Variants in CDK14 observed in about 807,000 individuals in gnomAD.
CDK14 encodes cyclin dependent kinase 14.
CDK14 carries 34 observed loss-of-function variants against 60.7 expected under a neutral mutation model. That is an observed-to-expected ratio of 0.56 (90% CI 0.43 to 0.75). The LOEUF is 0.75. CDK14 is among the 30% of genes least tolerant of loss of function. The pLI is 0.00. For synonymous variants in CDK14, 197 were observed against 203.7 expected (o/e 0.97, Z 0.28); for missense variants, 482 against 564.1 (o/e 0.85, Z 1.47).
intron 2 of CDK14, among the ~76,000 whole-genome samples, chr7:90,675,908 G>A (rs374391003): frequency 8.4e-4 from 128 of 152,304 alleles, no homozygotes; most frequent in African/African-American, 3.0e-3. Flanking sequence ...GTCAAGGCAG[G>A]AAAGAAGAAA....
At position 91,075,613 on chromosome 7, in the gene CDK14, G is replaced by A. The variant is rs534318732; in HGVS notation, c.1106-3819G>A. On this transcript the variant is annotated intron_variant, in intron 11 of 14. Transcript: ENST00000380050. ...ATTCAACATAGTATTGGAAGTCCTG[G>A]CCAGGGCAATCAGGCAAGAGAAAGA... Among the ~76,000 whole-genome samples the A allele has an allele frequency of 5.9e-5, 9 of 152,320 alleles. No individual in the cohort carries two copies. The South Asian group carries it at 1.9e-3, about 32-fold the overall frequency.
intron 12 of CDK14, among the ~76,000 whole-genome samples, chr7:91,094,845 C>T (rs1024406891): frequency 6.6e-6 from 1 of 152,172 alleles, no homozygotes; most frequent in Non-Finnish European, 1.5e-5. Flanking sequence ...TTCATTAGCA[C>T]CCAACCCCAC....
chr7:90,653,432 T>G (rs1353276784), intron 2 of CDK14, among the ~76,000 whole-genome samples: 1 of 152,092 alleles, frequency 6.6e-6, no homozygotes, highest in African/African-American at 2.4e-5. Context: ...TGGCTCCATC[T>G]CTCTGTGTCT....
At chr7:90,671,989 T>C (rs146347069) in intron 2 of CDK14, among the ~76,000 whole-genome samples, 5 of 152,320 alleles carry the variant, frequency 3.3e-5, no homozygotes, top group African/African-American at 1.2e-4. Context: ...GCCAGTTATC[T>C]TCGCAGTAGT....
chr7:91,207,839 A>T lies in CDK14; in HGVS notation c.*703A>T, dbSNP rs936748404. 1 of 152,684 alleles carries T rather than the reference A, an allele frequency of 6.5e-6. No homozygotes were observed. The highest frequency in any genetic ancestry group is 2.4e-5 in the African/African-American group (1 of 41,468). 9.5% of individuals were successfully genotyped at this position (152,684 alleles called of 1,614,324 possible). Reference sequence around the variant, plus strand: ...CTGTTTTTTGAATAGGTTGGAATTGAAAAAACAATTATCAAACGTTAAGAA... The same window carrying T: ...CTGTTTTTTGAATAGGTTGGAATTGTAAAAACAATTATCAAACGTTAAGAA... On this transcript the variant is annotated 3_prime_UTR_variant, in exon 15 of 15. Coordinates refer to ENST00000380050, the MANE Select transcript of CDK14 (RefSeq NM_001287135.2).
At chr7:90,762,970 C>A (rs563899619) in intron 4 of CDK14, among the ~76,000 whole-genome samples, 4 of 152,226 alleles carry the variant, frequency 2.6e-5, no homozygotes, top group South Asian at 2.1e-4. Flanking sequence ...GAGAGTGAGA[C>A]CCTGTCTTAA....
chr7:90,941,612 C>A (rs1265940395), intron 8 of CDK14, among the ~76,000 whole-genome samples: 1 of 148,768 alleles, frequency 6.7e-6, no homozygotes, highest in East Asian at 1.9e-4. Flanking sequence ...CCAAACCCAG[C>A]TATTTTTTTT....
intron 14 of CDK14, among the ~76,000 whole-genome samples, chr7:91,149,004 AG>A (rs1584130709): frequency 2.0e-5 from 3 of 152,210 alleles, no homozygotes; most frequent in Non-Finnish European, 4.4e-5. Context: ...ATGGACCAGT[AG>A]TCCTGGCTTA....
intron 10 of CDK14, among the ~76,000 whole-genome samples, chr7:91,014,783 C>T (rs752825687): frequency 1.3e-5 from 2 of 152,166 alleles, no homozygotes; most frequent in Non-Finnish European, 2.9e-5. Flanking sequence ...TTATGGTGCA[C>T]GCCCCAGCAT....
intron 14 of CDK14, among the ~76,000 whole-genome samples, chr7:91,194,973 T>G (rs971992163): frequency 3.3e-5 from 5 of 152,336 alleles, no homozygotes; most frequent in African/African-American, 7.2e-5. Context: ...CTGGCTCCTC[T>G]CACTGCATTC....
At chr7:90,609,162 GACCACAGGCATCC>G (rs2116334792) in intron 2 of CDK14, among the ~76,000 whole-genome samples, 1 of 152,166 alleles carries the variant, frequency 6.6e-6, no homozygotes, top group South Asian at 2.1e-4. Context: ...AAGTAGCTGG[GACCACAGGCATCC>G]ACCACCACCT....
intron 11 of CDK14, among the ~76,000 whole-genome samples, chr7:91,049,351 G>C (rs1797327231): frequency 6.6e-6 from 1 of 152,142 alleles, no homozygotes; most frequent in Admixed American, 6.5e-5. Context: ...GCCTTGAAAA[G>C]AAAAGCCCAT....
intron 9 of CDK14, among the ~76,000 whole-genome samples, chr7:90,959,690 AT>A (rs1439384122): frequency 5.9e-5 from 9 of 152,196 alleles, no homozygotes; most frequent in African/African-American, 1.9e-4. Context: ...AAATAAAAAA[AT>A]GAATGAAGAC....
At chr7:90,709,200 A>G (rs1801972184) in intron 2 of CDK14, 1 of 264,352 alleles carries the variant, frequency 3.8e-6, no homozygotes, top group Non-Finnish European at 7.1e-6. Context: ...GTTATTTTAG[A>G]CTTCTCATCA....
intron 4 of CDK14, among the ~76,000 whole-genome samples, chr7:90,787,127 G>T (rs1805618210): frequency 6.6e-6 from 1 of 152,098 alleles, no homozygotes; most frequent in African/African-American, 2.4e-5. Flanking sequence ...TAAGAAAGGA[G>T]AAAGTCACAA....
At chr7:90,658,112 C>T (rs959501881) in intron 2 of CDK14, among the ~76,000 whole-genome samples, 8 of 152,212 alleles carry the variant, frequency 5.3e-5, no homozygotes, top group African/African-American at 1.7e-4. Flanking sequence ...GCTCCTCCCA[C>T]AACCCCTGGC....
chr7:90,814,648 G>A (rs948375511), intron 5 of CDK14, among the ~76,000 whole-genome samples: 1 of 152,140 alleles, frequency 6.6e-6, no homozygotes, highest in African/African-American at 2.4e-5. Context: ...CAGGCGTGGT[G>A]GCTCACACCT....
chr7:90,843,304 C>T (rs1016866260), intron 5 of CDK14, among the ~76,000 whole-genome samples: 5 of 152,114 alleles, frequency 3.3e-5, no homozygotes, highest in African/African-American at 1.2e-4. Context: ...ATACTTGTCA[C>T]ACAAGAAATG....
intron 2 of CDK14, among the ~76,000 whole-genome samples, chr7:90,663,765 A>C (rs928807169): frequency 6.6e-6 from 1 of 152,234 alleles, no homozygotes; most frequent in African/African-American, 2.4e-5. Flanking sequence ...GAAAATAGGA[A>C]TTGCTTTGCA....
Sources: allele counts gnomAD v4.1 joint callset (sites outside exome capture counted in the v4.1 genomes callset), GRCh38; gene constraint gnomAD v4.1.1; transcripts MANE v1.5; gene names NCBI Gene and HGNC (gene_info 2026-07-23, HGNC 2026-07-21).